EVC: variants seen among roughly 807,000 people sequenced by gnomAD.
EVC encodes the protein EvC ciliary complex subunit 1, also known as evC complex member EVC.
Under a neutral mutation model 118.9 loss-of-function variants are expected in EVC, and 116 were observed. That is an observed-to-expected ratio of 0.98 (90% CI 0.84 to 1.14). The LOEUF is 1.14. Among genes scored for constraint, EVC ranks in the 50% most tolerant of loss-of-function variants. The pLI is 0.00. For missense variants in EVC, 1,401 were observed against 1,246.4 expected (o/e 1.12, Z -1.87); for synonymous variants, 619 against 534.7 (o/e 1.16, Z -2.18).
Position 5,745,248 on chromosome 4 carries a change from C to T in EVC, c.846C>T (p.Asn282=). 1 of 1,613,954 alleles carries T rather than the reference C, an allele frequency of 6.2e-7. No homozygotes were observed. The highest frequency in any genetic ancestry group is 8.5e-7 in the Non-Finnish European group (1 of 1,179,918). ...AGGGACTTCAGGTCAAACTGTCAAA[C>T]ACAGAAATGTCGGGGGCTGGTGACT... The part of the protein sequence containing the change: ...LEKGLQVKLS[N]TEMSGAGDSE... Residue 282 remains asparagine (N), a synonymous_variant, in exon 7 of 21, where the codon AAC becomes AAT. Coordinates refer to ENST00000264956, the MANE Select transcript of EVC (RefSeq NM_153717.3).
intron 1 of EVC, among the ~76,000 whole-genome samples, chr4:5,715,410 A>T (rs1249910857): frequency 6.6e-6 from 1 of 152,222 alleles, no homozygotes; most frequent in Non-Finnish European, 1.5e-5. Flanking sequence ...TCTAGGGATG[A>T]GTCCAGCAAG....
chr4:5,800,962 G>A (rs959774994), intron 15 of EVC, among the ~76,000 whole-genome samples: 6 of 152,174 alleles, frequency 3.9e-5, no homozygotes, highest in African/African-American at 9.7e-5. Flanking sequence ...AATATTTGCC[G>A]AAATGGGGAT....
chr4:5,734,807 C>G (rs947788189), intron 5 of EVC, among the ~76,000 whole-genome samples: 2 of 152,184 alleles, frequency 1.3e-5, no homozygotes, highest in Non-Finnish European at 2.9e-5. Context: ...GGCCCTTCAC[C>G]CCCTCTATCC....
At chr4:5,818,287 T>C (rs148183023), downstream of EVC, among the ~76,000 whole-genome samples, 21 of 152,306 alleles carry the variant, frequency 1.4e-4, no homozygotes, top group African/African-American at 4.8e-4. Context: ...TCTTTATAAA[T>C]TACCCAGTCT....
At chr4:5,730,529 C>T (rs868131256) in intron 3 of EVC, among the ~76,000 whole-genome samples, 4 of 152,044 alleles carry the variant, frequency 2.6e-5, no homozygotes, top group Non-Finnish European at 1.5e-5. Context: ...GTAGGCCCTG[C>T]GTGGGCCCTG....
At chr4:5,781,483 G>T (rs1370672830) in intron 11 of EVC, among the ~76,000 whole-genome samples, 1 of 152,102 alleles carries the variant, frequency 6.6e-6, no homozygotes, top group Non-Finnish European at 1.5e-5. Context: ...GGATTTTTCA[G>T]GGCGAGGAGT....
chr4:5,765,856 C>T (rs2152147691), intron 11 of EVC, among the ~76,000 whole-genome samples: 1 of 150,382 alleles, frequency 6.6e-6, no homozygotes, highest in South Asian at 2.2e-4. Context: ...ACTCTTCATC[C>T]AGTTTGCCAG....
chr4:5,770,482 A>G (rs1049778455), intron 11 of EVC, among the ~76,000 whole-genome samples: 1 of 152,260 alleles, frequency 6.6e-6, no homozygotes, highest in East Asian at 1.9e-4. Flanking sequence ...CTGGAAGTCT[A>G]AAGTGTCTGT....
At position 5,741,012 on chromosome 4, in the gene EVC, G is replaced by A. The variant is rs181133788; in HGVS notation, c.703-704G>A. Among the ~76,000 whole-genome samples the A allele has an allele frequency of 1.9e-4, 29 of 152,272 alleles. No homozygotes were observed. In the East Asian group the frequency reaches 4.6e-3, roughly 24 times the overall value. ...ATGGAAATATAAAATGGTACCTACG[G>A]CCATACTGGAAAACGTTTTGGCAAT... On this transcript the variant is annotated intron_variant, in intron 5 of 20. Transcript: ENST00000264956.
At position 5,810,631 on chromosome 4, in the gene EVC, T is replaced by A. The variant is rs571420027; in HGVS notation, c.2894+181T>A. Among the ~76,000 whole-genome samples, 5 of 152,280 alleles carry A rather than the reference T, an allele frequency of 3.3e-5. No individual in the cohort carries two copies. In the South Asian group the frequency reaches 1.0e-3, roughly 32 times the overall value. On this transcript the variant is annotated intron_variant, in intron 20 of 20. Coordinates refer to ENST00000264956, the MANE Select transcript of EVC (RefSeq NM_153717.3). ...CAGTAAGCCATGATGATACCAGGGG[T>A]GCCACATGGCTGTTACCCTTCCTGT...
At position 5,793,623 on chromosome 4, in the gene EVC, T is replaced by C. The variant is rs370789663; in HGVS notation, c.1792T>C (p.Cys598Arg). Reference sequence around the variant, plus strand: ...CCGAGTTCAGGTGTGGATGGAGGAGTGTGCGCTGTCCAGCGTGCTGCAGAC... The same window carrying C: ...CCGAGTTCAGGTGTGGATGGAGGAGCGTGCGCTGTCCAGCGTGCTGCAGAC... ...EQDQQVWMEE[C>R]ALSSVLQTHL... Residue 598 changes from cysteine to arginine, a missense_variant, in exon 13 of 21, where the codon TGT becomes CGT. Physicochemically the swap from Cys to Arg is radical, Grantham distance 180 (BLOSUM62 -3). Transcript: ENST00000264956. The C allele has an allele frequency of 6.4e-7, 1 of 1,550,940 alleles. No individual in the cohort carries two copies. Among genetic ancestry groups the C allele is most frequent in the African/African-American group, 1.4e-5 (1 of 72,846 alleles).
At chr4:5,713,521 T>A (rs189462443) in intron 1 of EVC, among the ~76,000 whole-genome samples, 3 of 151,848 alleles carry the variant, frequency 2.0e-5, no homozygotes, top group Non-Finnish European at 2.9e-5. Flanking sequence ...CTACTAAAAA[T>A]ACAAAAATTA....
rs144943762 is a variant in EVC, at chr4:5,783,684, G to C, written c.1696G>C (p.Ala566Pro). 53 of 1,613,916 alleles carry C rather than the reference G, an allele frequency of 3.3e-5. No homozygotes were observed. The highest frequency in any genetic ancestry group is 4.4e-5 in the Non-Finnish European group (52 of 1,179,954). The change falls in exon 12 of 21, where the codon GCC (alanine) becomes CCC (proline). Residue 566 changes from alanine to proline, a missense_variant. Coordinates refer to ENST00000264956, the MANE Select transcript of EVC (RefSeq NM_153717.3). ...YLRQEVQENA[A>P]WQLGKSNRFR... Reference sequence around the variant, plus strand: ...GAGGCAGGAAGTCCAGGAGAACGCTGCCTGGCAGCTGGGGAAGTCAAATCG... The same window carrying C: ...GAGGCAGGAAGTCCAGGAGAACGCTCCCTGGCAGCTGGGGAAGTCAAATCG...
At chr4:5,793,768 C>A in intron 13 of EVC, 51 bp downstream of exon 13, 1 of 1,397,222 alleles carries the variant, frequency 7.2e-7, no homozygotes, top group Non-Finnish European at 9.9e-7. Context: ...CATGATGCTC[C>A]CTCCAGCCTC....
rs1450750501 is a variant in EVC, at chr4:5,809,595, T to G, written c.2766T>G (p.Ala922=). The change falls in exon 19 of 21, where the codon GCT becomes GCG. Residue 922 remains alanine (A), a synonymous_variant. Transcript: ENST00000264956. ...TTGCTGAAAGCAAACTGTTGCCTGC[T>G]AAGCGTGGGCTGCTAGGTGAGTCAC... ...VPLAESKLLP[A]KRGLLEKPLR... The G allele has an allele frequency of 6.2e-7, 1 of 1,614,050 alleles. No homozygotes were observed. Among genetic ancestry groups the G allele is most frequent in the Non-Finnish European group, 8.5e-7 (1 of 1,180,024 alleles).
chr4:5,788,493 G>C (rs900063707), intron 12 of EVC, among the ~76,000 whole-genome samples: 4 of 152,168 alleles, frequency 2.6e-5, no homozygotes, highest in Non-Finnish European at 4.4e-5. Context: ...TTAGATGATT[G>C]ATAGACATGA....
chr4:5,815,727 C>G (rs550591865), downstream of EVC, among the ~76,000 whole-genome samples: 1 of 152,210 alleles, frequency 6.6e-6, no homozygotes, highest in African/African-American at 2.4e-5. Flanking sequence ...AATGTTTCCT[C>G]TATAGCCCTT....
chr4:5,761,160 A>G (rs1731947681), intron 11 of EVC, among the ~76,000 whole-genome samples: 1 of 151,980 alleles, frequency 6.6e-6, no homozygotes, highest in African/African-American at 2.4e-5. Context: ...CTGGGAGCCC[A>G]TTTACTTTAA....
At chr4:5,720,053 TC>T (rs1384586221) in intron 2 of EVC, among the ~76,000 whole-genome samples, 2 of 152,164 alleles carry the variant, frequency 1.3e-5, no homozygotes, top group African/African-American at 4.8e-5. Flanking sequence ...TTCTATTTGT[TC>T]CTGCCTTCCT....
Sources: allele counts gnomAD v4.1 joint callset (sites outside exome capture counted in the v4.1 genomes callset), GRCh38; gene constraint gnomAD v4.1.1; transcripts MANE v1.5; gene names NCBI Gene and HGNC (gene_info 2026-07-23, HGNC 2026-07-21).